Variants in NRXN2 observed in about 807,000 individuals in gnomAD.
NRXN2 encodes neurexin 2, also known as neurexin-2-beta.
Under a neutral mutation model 128.8 loss-of-function variants are expected in NRXN2, and 29 were observed. That is an observed-to-expected ratio of 0.23 (90% CI 0.17 to 0.31). The LOEUF (loss-of-function observed/expected upper bound fraction) is 0.31. NRXN2 is among the 10% of genes least tolerant of loss of function. The pLI is 1.00. For synonymous variants in NRXN2, 1,098 were observed against 1,075.2 expected, an observed-to-expected ratio of 1.02 and a Z score of -0.41; for missense variants, 1,881 against 2,452.6, an observed-to-expected ratio of 0.77 and a Z score of 4.92.
chr11:64,674,704 G>C (rs1446525390), intron 7 of NRXN2, among the ~76,000 whole-genome samples: 1 of 152,178 alleles, frequency 6.6e-6, no homozygotes, highest in Non-Finnish European at 1.5e-5. Flanking sequence ...CAGAGATGCT[G>C]TGTTCTCCAG....
intron 17 of NRXN2, among the ~76,000 whole-genome samples, chr11:64,641,278 G>A (rs879318138): frequency 1.3e-5 from 2 of 152,080 alleles, no homozygotes; most frequent in South Asian, 2.1e-4. Context: ...AGAAATGGGA[G>A]GTGAGAGAGG....
Position 64,606,726 on chromosome 11 carries a change from G to A in NRXN2, c.*470C>T, listed in dbSNP as rs933068376. ...CACAAAAAAAGAAGTAGGGAAGGAG[G>A]GTGGGGACAGTGAGACACAGCAAGC... On this transcript the variant is annotated 3_prime_UTR_variant, in exon 23 of 23. Transcript: ENST00000265459. The A allele has an allele frequency of 1.9e-5, 3 of 156,814 alleles. No individual in the cohort carries two copies. The highest frequency in any genetic ancestry group is 1.8e-4 in the Admixed American group (3 of 16,282). The allele number at this position is 156,814 out of a possible 1,614,324, so 9.7% of individuals were successfully genotyped here. A position where few individuals can be genotyped will look rare whatever the true frequency, so the allele number is the denominator to read the frequency against.
chr11:64,688,545 T>G (rs1284121475), intron 5 of NRXN2: 1 of 985,184 alleles, frequency 1.0e-6, no homozygotes, highest in East Asian at 1.1e-4. Flanking sequence ...AAACAAGATC[T>G]GGGCTGAACA....
intron 1 of NRXN2, among the ~76,000 whole-genome samples, chr11:64,719,861 T>C (rs922906913): frequency 6.6e-6 from 1 of 152,162 alleles, no homozygotes; most frequent in African/African-American, 2.4e-5. Flanking sequence ...GACAGGTGTG[T>C]GCGCGTGTGT....
At chr11:64,691,459 C>T (rs1316685339) in intron 4 of NRXN2, among the ~76,000 whole-genome samples, 2 of 152,204 alleles carry the variant, frequency 1.3e-5, no homozygotes, top group African/African-American at 4.8e-5. Context: ...CTGCCAGATC[C>T]ACAGGATGGC....
chr11:64,695,033 TCA>T (rs1272123413), intron 3 of NRXN2, among the ~76,000 whole-genome samples: 7 of 152,194 alleles, frequency 4.6e-5, no homozygotes, highest in Admixed American at 4.6e-4. Context: ...CTCAGCTCCC[TCA>T]GGCGTGACAG....
At chr11:64,641,454 G>C (rs367736469) in intron 17 of NRXN2, among the ~76,000 whole-genome samples, 2 of 151,986 alleles carry the variant, frequency 1.3e-5, no homozygotes, top group African/African-American at 2.4e-5. Context: ...TGATGGGGCT[G>C]ACATGAGATG....
chr11:64,637,117 T>C (rs2044847414), intron 17 of NRXN2, among the ~76,000 whole-genome samples: 1 of 151,516 alleles, frequency 6.6e-6, no homozygotes, highest in African/African-American at 2.4e-5. Flanking sequence ...ATCAACACCT[T>C]CCATCCCCCC....
At chr11:64,718,122 C>G (rs1416421845) in intron 1 of NRXN2, among the ~76,000 whole-genome samples, 1 of 152,194 alleles carries the variant, frequency 6.6e-6, no homozygotes, top group East Asian at 1.9e-4. Flanking sequence ...AGACATTTCC[C>G]CTTGCACTTG....
chr11:64,712,863 G>A (rs1165750831), intron 2 of NRXN2, 107 bp downstream of exon 2: 11 of 1,036,072 alleles, frequency 1.1e-5, no homozygotes, highest in Non-Finnish European at 1.5e-5. Flanking sequence ...AAGCCCTCGT[G>A]CCCAGCCCCC....
chr11:64,651,788 AAG>A lies in NRXN2; in HGVS notation c.2537-154_2537-153del. 2.0e-6 allele frequency: 2 copies of A among 1,013,022 alleles called. No individual in the cohort carries two copies. Among genetic ancestry groups the A allele is most frequent in the Non-Finnish European group, 2.9e-6 (2 of 680,758 alleles). 62.8% of individuals were successfully genotyped at this position (1,013,022 alleles called of 1,614,324 possible). ...AGGCACTAGCAGCCAGCACAGCTCC[AAG>A]AGGAGTGGCAGGACTCGCCAGTCAA... On this transcript the variant is annotated intron_variant, in intron 13 of 22. Coordinates refer to ENST00000265459, the MANE Select transcript of NRXN2 (RefSeq NM_015080.4). This position sits in a 1 kb window ranked among gnomAD's most constrained non-coding sequence, Gnocchi z 5.9.
Position 64,667,560 on chromosome 11 carries a change from G to T in NRXN2, c.1488C>A (p.Thr496=). The change falls in exon 9 of 23, where the codon ACC becomes ACA. Residue 496 remains threonine, a synonymous_variant. Transcript: ENST00000265459. This position sits in a 1 kb window ranked among gnomAD's most constrained non-coding sequence, Gnocchi z 5.6. ...CEDVAALDPV[T]FESPEAFVAL... Reference sequence around the variant, plus strand: ...CCACAAAGGCCTCGGGACTCTCAAAGGTCACAGGGTCCAGGGCAGCCACAT... The same window carrying T: ...CCACAAAGGCCTCGGGACTCTCAAATGTCACAGGGTCCAGGGCAGCCACAT... 1 of 1,614,188 alleles carries T rather than the reference G, an allele frequency of 6.2e-7. No individual in the cohort carries two copies. Among genetic ancestry groups the T allele is most frequent in the Non-Finnish European group, 8.5e-7 (1 of 1,180,032 alleles).
chr11:64,716,927 G>A (rs905052024), intron 1 of NRXN2, among the ~76,000 whole-genome samples: 12 of 151,950 alleles, frequency 7.9e-5, no homozygotes, highest in Admixed American at 2.6e-4. Flanking sequence ...TCTTCCCCTC[G>A]CCTTTCCCCT....
chr11:64,708,938 T>A lies in NRXN2; in HGVS notation c.730+4032A>T, dbSNP rs1000058709. On this transcript the variant is annotated intron_variant, in intron 2 of 22. Transcript: ENST00000265459. ...CAGGCGCAGTGGCTCACACCTGTAA[T>A]CCCAGCACTTTGAGAGGCCAATGCG... Among the ~76,000 whole-genome samples the A allele has an allele frequency of 2.0e-5, 3 of 152,106 alleles. No homozygotes were observed. In the South Asian group the frequency reaches 6.2e-4, roughly 32 times the overall value.
intron 9 of NRXN2, chr11:64,661,454 G>A (rs1436352262): frequency 2.1e-5 from 26 of 1,230,998 alleles, no homozygotes; most frequent in South Asian, 1.3e-4. Context: ...TGGGCATGCC[G>A]AAATCTTGAG....
Position 64,683,628 on chromosome 11 carries a change from A to G in NRXN2, c.1152+2018T>C, listed in dbSNP as rs912902322. 1.2e-4 allele frequency among the ~76,000 whole-genome samples: 18 copies of G among 152,078 alleles called. No homozygotes were observed. The Middle Eastern group carries it at 0.017, about 144-fold the overall frequency. ...GAGTGAGACTCCATCTCAAAAAAAA[A>G]AAAAAAAAGAAAAGAAAAGAAATTC... On this transcript the variant is annotated intron_variant, in intron 6 of 22. Coordinates refer to ENST00000265459, the MANE Select transcript of NRXN2 (RefSeq NM_015080.4).
chr11:64,624,359 C>A (rs1204756068), intron 20 of NRXN2, among the ~76,000 whole-genome samples: 2 of 152,188 alleles, frequency 1.3e-5, no homozygotes, highest in Admixed American at 6.5e-5. Context: ...GTCTCCCCAG[C>A]CCCCCACTCA....
intron 22 of NRXN2, among the ~76,000 whole-genome samples, chr11:64,617,021 C>T (rs1246465124): frequency 2.0e-5 from 3 of 152,210 alleles, no homozygotes; most frequent in Admixed American, 2.0e-4. Flanking sequence ...TGAGTTTATG[C>T]TTCTGTGAGT....
intron 2 of NRXN2, among the ~76,000 whole-genome samples, chr11:64,702,797 T>TAAA (rs1201426445): frequency 1.8e-5 from 1 of 55,460 alleles, no homozygotes. Flanking sequence ...GAATGATCAA[T>TAAA]AAAAAAAAAA....
Sources: allele counts gnomAD v4.1 joint callset (sites outside exome capture counted in the v4.1 genomes callset), GRCh38; gene constraint gnomAD v4.1.1; non-coding constraint Gnocchi (gnomAD v3.1); transcripts MANE v1.5; gene names NCBI Gene and HGNC (gene_info 2026-07-23, HGNC 2026-07-21).